LHFPL1: variants seen among roughly 807,000 people sequenced by gnomAD.
The protein encoded by LHFPL1 is LHFPL tetraspan subfamily member 1 protein.
In LHFPL1, 4 loss-of-function variants were observed where a neutral mutation model predicts 12.1. The observed-to-expected ratio is 0.33, with a 90% CI of 0.16 to 0.76. The LOEUF (loss-of-function observed/expected upper bound fraction) is 0.76. Among genes scored for constraint, LHFPL1 ranks in the 30% least tolerant of loss-of-function variants. LHFPL1 has a pLI of 0.61. For synonymous variants in LHFPL1, 52 were observed against 61.9 expected, an observed-to-expected ratio of 0.84 and a Z score of 0.75; for missense variants, 141 against 174.1, an observed-to-expected ratio of 0.81 and a Z score of 1.07.
At chrX:112,669,713 C>T (rs1227812472) in intron 2 of LHFPL1, among the ~76,000 whole-genome samples, 1 of 112,003 alleles carries the variant, frequency 8.9e-6, no homozygotes. Flanking sequence ...GAGTGTTGTC[C>T]TCATCTTGTG....
At chrX:112,637,128 G>T (rs897871277) in intron 3 of LHFPL1, among the ~76,000 whole-genome samples, 5 of 112,179 alleles carry the variant, frequency 4.5e-5, no homozygotes, top group African/African-American at 1.6e-4. Flanking sequence ...GAATTCCAGT[G>T]TTGAATTTGC....
chrX:112,662,373 T>C (rs1020337076), intron 2 of LHFPL1, among the ~76,000 whole-genome samples: 5 of 112,016 alleles, frequency 4.5e-5, no homozygotes, highest in African/African-American at 1.3e-4. Flanking sequence ...CACTTCTCTT[T>C]CCTCACTGAG....
At chrX:112,673,408 G>A (rs1275861815) in intron 1 of LHFPL1, among the ~76,000 whole-genome samples, 1 of 111,578 alleles carries the variant, frequency 9.0e-6, no homozygotes, top group East Asian at 2.8e-4. Flanking sequence ...AGTAATTGCT[G>A]TTAGACAGCA....
chrX:112,653,733 C>A (rs57021502), intron 3 of LHFPL1, among the ~76,000 whole-genome samples: 3,714 of 111,667 alleles, frequency 0.033, 163 homozygotes, highest in African/African-American at 0.11. Flanking sequence ...TAGACCAAGG[C>A]AAATCTCAGG....
chrX:112,644,081 T>C (rs751065309), intron 3 of LHFPL1, among the ~76,000 whole-genome samples: 2 of 111,933 alleles, frequency 1.8e-5, no homozygotes, highest in African/African-American at 3.2e-5. Flanking sequence ...GATGGGCAAC[T>C]AAAAAATCTT....
At chrX:112,633,332 G>A (rs768866484) in intron 3 of LHFPL1, among the ~76,000 whole-genome samples, 3 of 112,035 alleles carry the variant, frequency 2.7e-5, no homozygotes, top group Non-Finnish European at 5.6e-5. Context: ...AAAAACCAGC[G>A]AATATAGTAT....
At chrX:112,662,361 T>G (rs1945664524) in intron 2 of LHFPL1, among the ~76,000 whole-genome samples, 1 of 112,034 alleles carries the variant, frequency 8.9e-6, no homozygotes, top group Non-Finnish European at 1.9e-5. Context: ...CAGCTTCATC[T>G]TCACTTCTCT....
intron 3 of LHFPL1, among the ~76,000 whole-genome samples, chrX:112,652,778 G>A (rs1930891741): frequency 8.9e-6 from 1 of 112,044 alleles, no homozygotes; most frequent in Non-Finnish European, 1.9e-5. Flanking sequence ...ATCAGTTGAG[G>A]TATATGAGAG....
chrX:112,660,517 TGA>T, intron 3 of LHFPL1, 108 bp downstream of exon 3: 2 of 589,307 alleles, frequency 3.4e-6, no homozygotes, highest in Admixed American at 2.5e-5. Context: ...GCTAACACAG[TGA>T]GAGAGATTCA....
chrX:112,633,422 C>T (rs12388189), intron 3 of LHFPL1, among the ~76,000 whole-genome samples: 27,464 of 111,767 alleles, frequency 0.25, 3,668 homozygotes, highest in African/African-American at 0.51. Flanking sequence ...CTAAAACATT[C>T]ACTGCATGTG....
rs372736739 is a variant in LHFPL1 at position 112,678,394 on chromosome X, C to G, written c.-15+1435G>C. ...AGGTGCCATCATCTTCAGTGATAAGCTGGTTGGCTACGAGTTCTATCTCAC... is the reference window on the plus strand; with the variant it reads ...AGGTGCCATCATCTTCAGTGATAAGGTGGTTGGCTACGAGTTCTATCTCAC... On this transcript the variant is annotated intron_variant, in intron 1 of 3. Coordinates refer to ENST00000371968, the MANE Select transcript of LHFPL1 (RefSeq NM_178175.4). 1.7e-4 allele frequency among the ~76,000 whole-genome samples: 19 copies of G among 111,990 alleles called. 1 individual carries two copies. The East Asian group carries it at 4.5e-3, about 27-fold the overall frequency.
intron 1 of LHFPL1, among the ~76,000 whole-genome samples, chrX:112,671,978 T>C (rs1931521579): frequency 9.0e-6 from 1 of 111,565 alleles, no homozygotes; most frequent in Non-Finnish European, 1.9e-5. Flanking sequence ...CCCATTTGAC[T>C]TGGGTAACAT....
chrX:112,652,657 TG>T (rs1464290608), intron 3 of LHFPL1, among the ~76,000 whole-genome samples: 5 of 111,890 alleles, frequency 4.5e-5, no homozygotes, highest in African/African-American at 1.6e-4. Context: ...AGATCTATTT[TG>T]TTTGGACATT....
chrX:112,671,379 G>T lies in LHFPL1; in HGVS notation c.12C>A (p.Ser4Arg), dbSNP rs756691521. The T allele has an allele frequency of 8.3e-7, 1 of 1,211,803 alleles. No homozygotes were observed. The highest frequency in any genetic ancestry group is 1.7e-5 in the African/African-American group (1 of 57,832). The change falls in exon 2 of 4, where the codon AGC (serine) becomes AGA (arginine). Residue 4 changes from serine to arginine, a missense_variant. By Grantham distance (110) the Ser-to-Arg change is moderately radical. Transcript: ENST00000371968. ...CCCAGAGGGTTCCCACCATGGTCAG[G>T]CTGCTCCTCATGGTCACAGGTTTCT... is the stretch of plus-strand genomic sequence containing the variant. MRS[S>R]LTMVGTLWAF...
chrX:112,644,179 C>T (rs1047044805), intron 3 of LHFPL1, among the ~76,000 whole-genome samples: 1 of 112,246 alleles, frequency 8.9e-6, no homozygotes, highest in African/African-American at 3.2e-5. Context: ...GGCGGATGGC[C>T]TCCTATGGAT....
chrX:112,672,888 T>C (rs894805165), intron 1 of LHFPL1, among the ~76,000 whole-genome samples: 1 of 112,298 alleles, frequency 8.9e-6, no homozygotes, highest in African/African-American at 3.2e-5. Context: ...AACCTTCTTG[T>C]TTTACATATG....
intron 3 of LHFPL1, among the ~76,000 whole-genome samples, chrX:112,637,126 G>C (rs1602664587): frequency 8.9e-6 from 1 of 112,140 alleles, no homozygotes; most frequent in Admixed American, 9.5e-5. Flanking sequence ...CTGAATTCCA[G>C]TGTTGAATTT....
At position 112,671,060 on chromosome X, in the gene LHFPL1, G is replaced by C. The variant is rs1490423995; in HGVS notation, c.331C>G (p.Leu111Val). The change falls in exon 2 of 4, where the codon CTC becomes GTC. Residue 111 changes from leucine to valine, a missense_variant. Transcript: ENST00000371968. ...CAACGTCCCATCATTCTGGAGATGA[G>C]CTCCTCCATGCAGCAACCCAGGACA... ...AAVLGCCMEE[L>V]ISRMMGRCMG... 8.3e-7 allele frequency: 1 copy of C among 1,210,291 alleles called. No homozygotes were observed. Among genetic ancestry groups the C allele is most frequent in the African/African-American group, 1.7e-5 (1 of 57,190 alleles).
Position 112,630,729 on chromosome X carries a change from T to G in LHFPL1, c.*691A>C. 1 of 111,896 alleles carries G rather than the reference T, an allele frequency of 8.9e-6. No individual in the cohort carries two copies. The highest frequency in any genetic ancestry group is 2.8e-4 in the East Asian group (1 of 3,566). The allele number at this position is 111,896 out of a possible 1,213,427, so 9.2% of individuals were successfully genotyped here. On this transcript the variant is annotated 3_prime_UTR_variant, in exon 4 of 4. Transcript: ENST00000371968. ...TCTCAGTACATTTGATGAACACCATTTCTTTATCTCTAAAGGATGAGAGAA... is the reference window on the plus strand; with the variant it reads ...TCTCAGTACATTTGATGAACACCATGTCTTTATCTCTAAAGGATGAGAGAA...
Sources: gnomAD v4.1 joint callset for allele counts (sites outside exome capture counted in the v4.1 genomes callset) on GRCh38, gnomAD v4.1.1 for gene constraint, MANE v1.5 for transcripts, NCBI Gene and HGNC (gene_info 2026-07-23, HGNC 2026-07-21) for gene names.